SEMA6D: variants seen among roughly 807,000 people sequenced by gnomAD.
The protein encoded by SEMA6D is semaphorin 6D.
Under a neutral mutation model 106.6 loss-of-function variants are expected in SEMA6D, and 35 were observed. The observed-to-expected ratio is 0.33, with a 90% CI of 0.25 to 0.44. SEMA6D has a LOEUF of 0.44. Ranked by LOEUF, SEMA6D falls within the 20% of genes least tolerant of loss-of-function variation. The pLI is 1.00. For missense variants in SEMA6D, 1,185 were observed against 1,345.9 expected, an observed-to-expected ratio of 0.88 and a Z score of 1.87; for synonymous variants, 499 against 487.7, an observed-to-expected ratio of 1.02 and a Z score of -0.31.
intron 1 of SEMA6D, among the ~76,000 whole-genome samples, chr15:47,191,074 GA>G (rs1893929171): frequency 6.6e-6 from 1 of 152,084 alleles, no homozygotes; most frequent in Admixed American, 6.6e-5. Context: ...TGGAGAGGCT[GA>G]AGTGGGAGGA....
intron 3 of SEMA6D, among the ~76,000 whole-genome samples, chr15:47,568,333 C>T (rs558041077): frequency 2.6e-5 from 4 of 152,136 alleles, no homozygotes; most frequent in East Asian, 1.9e-4. Flanking sequence ...ATAAACCACC[C>T]GAGTGTCCAT....
At chr15:47,607,887 G>A (rs148767655) in intron 4 of SEMA6D, among the ~76,000 whole-genome samples, 1 of 152,234 alleles carries the variant, frequency 6.6e-6, no homozygotes, top group Admixed American at 6.5e-5. Context: ...GATGCCAGGA[G>A]TATGCTGGGC....
chr15:47,486,093 A>G (rs905170676), intron 3 of SEMA6D, among the ~76,000 whole-genome samples: 1 of 152,180 alleles, frequency 6.6e-6, no homozygotes, highest in Non-Finnish European at 1.5e-5. Flanking sequence ...GGCTACTGGG[A>G]AAGTGGGATT....
At chr15:47,410,406 T>G (rs2040750092) in intron 1 of SEMA6D, among the ~76,000 whole-genome samples, 1 of 152,212 alleles carries the variant, frequency 6.6e-6, no homozygotes, top group South Asian at 2.1e-4. Flanking sequence ...TCCAAATAAG[T>G]GTTACTCACA....
chr15:47,539,390 G>A (rs547789438), intron 3 of SEMA6D, among the ~76,000 whole-genome samples: 26 of 148,922 alleles, frequency 1.7e-4, no homozygotes, highest in Admixed American at 8.1e-4. Flanking sequence ...GTCATTTGCC[G>A]TATAGTCCCT....
chr15:47,533,172 C>G (rs1051467664), intron 3 of SEMA6D, among the ~76,000 whole-genome samples: 2 of 152,108 alleles, frequency 1.3e-5, no homozygotes, highest in Admixed American at 1.3e-4. Context: ...TTTATTTTTC[C>G]TACCTGCCTA....
At chr15:47,389,744 T>C (rs775439581) in intron 1 of SEMA6D, among the ~76,000 whole-genome samples, 1 of 152,218 alleles carries the variant, frequency 6.6e-6, no homozygotes, top group African/African-American at 2.4e-5. Context: ...GGCTGGAAAT[T>C]TGGGAGTCAC....
At chr15:47,586,720 T>A in intron 3 of SEMA6D, among the ~76,000 whole-genome samples, 1 of 152,174 alleles carries the variant, frequency 6.6e-6, no homozygotes, top group Admixed American at 6.5e-5. Context: ...ATTTGTGGAA[T>A]TAAATGAATT....
chr15:47,436,841 G>T (rs1014948522), intron 2 of SEMA6D, among the ~76,000 whole-genome samples: 1 of 150,266 alleles, frequency 6.7e-6, no homozygotes, highest in Non-Finnish European at 1.5e-5. Context: ...GGCTGAGGTG[G>T]GGGGATCACT....
chr15:47,548,789 T>G (rs1024912156), intron 3 of SEMA6D, among the ~76,000 whole-genome samples: 1 of 152,168 alleles, frequency 6.6e-6, no homozygotes, highest in Admixed American at 6.6e-5. Flanking sequence ...TGTGCACATA[T>G]GTGTATAATG....
At chr15:47,757,486 A>T (rs2081818380) in intron 1 of SEMA6D, among the ~76,000 whole-genome samples, 1 of 152,186 alleles carries the variant, frequency 6.6e-6, no homozygotes. Context: ...AGACAAGAAG[A>T]CACTGCTTCA....
intron 1 of SEMA6D, among the ~76,000 whole-genome samples, chr15:47,211,797 G>T (rs535630531): frequency 6.6e-6 from 1 of 152,178 alleles, no homozygotes; most frequent in South Asian, 2.1e-4. Flanking sequence ...TATTAAGTGG[G>T]TTTTATGTGC....
chr15:47,376,225 G>C (rs973575380), intron 1 of SEMA6D, among the ~76,000 whole-genome samples: 4 of 152,208 alleles, frequency 2.6e-5, no homozygotes, highest in African/African-American at 9.6e-5. Context: ...CCCCTTTGTG[G>C]CAGTTCTCTC....
chr15:47,385,187 A>G (rs1354192004), intron 1 of SEMA6D, among the ~76,000 whole-genome samples: 2 of 151,994 alleles, frequency 1.3e-5, no homozygotes, highest in Admixed American at 1.3e-4. Context: ...TCAATACTTA[A>G]TAACACAATT....
chr15:47,461,412 G>A (rs1596056305), intron 2 of SEMA6D, among the ~76,000 whole-genome samples: 3 of 151,970 alleles, frequency 2.0e-5, no homozygotes, highest in South Asian at 2.1e-4. Flanking sequence ...TATTATATCT[G>A]AAGCACTGGA....
intron 4 of SEMA6D, chr15:47,606,417 G>A (rs1444718713): frequency 6.6e-6 from 1 of 152,224 alleles, no homozygotes; most frequent in Admixed American, 6.5e-5. Flanking sequence ...TCCTCAACAG[G>A]AGTTCTGTGC....
chr15:47,630,878 T>TGTTG (rs1468160457), intron 4 of SEMA6D, among the ~76,000 whole-genome samples: 2 of 151,962 alleles, frequency 1.3e-5, no homozygotes, highest in African/African-American at 4.8e-5. Context: ...TTTTTTAGTC[T>TGTTG]GTTGGTTTAG....
intron 2 of SEMA6D, among the ~76,000 whole-genome samples, chr15:47,446,851 C>A (rs1258689117): frequency 6.6e-6 from 1 of 152,116 alleles, no homozygotes; most frequent in Non-Finnish European, 1.5e-5. Flanking sequence ...TTTGAGAACA[C>A]TTTTAAAATG....
chr15:47,730,207 CT>C, intron 1 of SEMA6D: 1 of 1,546,992 alleles, frequency 6.5e-7, no homozygotes, highest in Non-Finnish European at 8.8e-7. Flanking sequence ...GAGCCACAGA[CT>C]TAGGATCCAG....
Sources: allele counts gnomAD v4.1 joint callset (sites outside exome capture counted in the v4.1 genomes callset), GRCh38; gene constraint gnomAD v4.1.1; transcripts MANE v1.5; gene names NCBI Gene and HGNC (gene_info 2026-07-23, HGNC 2026-07-21).